The following SLC35D4 variants were observed in gnomAD, a reference collection of about 807,000 sequenced individuals.
The protein encoded by SLC35D4 is UDP-N-acetylglucosamine transporter SLC35D4.
the SLC35D4 span, among the ~76,000 whole-genome samples, chr18:23,433,923 C>CCACATTAGAG: frequency 1.3e-5 from 2 of 151,994 alleles, no homozygotes; most frequent in African/African-American, 4.8e-5. Flanking sequence ...AAATTACATG[C>CCACATTAGAG]TCTCTGCCAC....
At chr18:23,309,778 C>G in the SLC35D4 span, 1 of 1,596,510 alleles carries the variant, frequency 6.3e-7, no homozygotes, top group Non-Finnish European at 8.6e-7. Context: ...GGTCATCATA[C>G]CAGCAGGGCT....
chr18:23,405,017 A>G, the SLC35D4 span, among the ~76,000 whole-genome samples: 5 of 150,818 alleles, frequency 3.3e-5, no homozygotes, highest in Admixed American at 3.3e-4. Flanking sequence ...AAAAAAAAAA[A>G]AAAAAACAGG....
At chr18:23,322,745 C>T in the SLC35D4 span, among the ~76,000 whole-genome samples, 3 of 152,190 alleles carry the variant, frequency 2.0e-5, no homozygotes, top group Admixed American at 6.5e-5. Context: ...CCAAGTATTT[C>T]TTCTTTTACA....
chr18:23,253,587 C>G, the SLC35D4 span: 1 of 691,414 alleles, frequency 1.4e-6, no homozygotes, highest in Non-Finnish European at 2.5e-6. Context: ...ACGCAGCCTT[C>G]ACACTCCCAG....
chr18:23,429,655 C>A, the SLC35D4 span, among the ~76,000 whole-genome samples: 3 of 152,160 alleles, frequency 2.0e-5, no homozygotes, highest in Non-Finnish European at 4.4e-5. Context: ...GGATTACAGG[C>A]ATGAGCCACC....
chr18:23,430,349 T>C, the SLC35D4 span, among the ~76,000 whole-genome samples: 4 of 152,080 alleles, frequency 2.6e-5, no homozygotes, highest in Admixed American at 2.0e-4. Context: ...GCTGGTATTA[T>C]AGTAATGAGA....
chr18:23,330,485 C>T, the SLC35D4 span, among the ~76,000 whole-genome samples: 1 of 152,128 alleles, frequency 6.6e-6, no homozygotes, highest in Non-Finnish European at 1.5e-5. Context: ...AAGTTATTTG[C>T]TTCAATAATG....
At chr18:23,262,096 T>C in the SLC35D4 span, among the ~76,000 whole-genome samples, 1 of 152,202 alleles carries the variant, frequency 6.6e-6, no homozygotes, top group African/African-American at 2.4e-5. Context: ...GACATAAAAC[T>C]GTCTAGGAAA....
the SLC35D4 span, among the ~76,000 whole-genome samples, chr18:23,408,690 C>T: frequency 4.6e-5 from 7 of 152,122 alleles, no homozygotes; most frequent in Admixed American, 6.5e-5. Context: ...CATGTTGTAA[C>T]CTAGAACTGT....
chr18:23,384,106 T>C, the SLC35D4 span, among the ~76,000 whole-genome samples: 7 of 148,024 alleles, frequency 4.7e-5, no homozygotes, highest in African/African-American at 1.7e-4. Context: ...CTGGACAACA[T>C]AGCAAGACCC....
the SLC35D4 span, among the ~76,000 whole-genome samples, chr18:23,381,142 A>C: frequency 6.6e-6 from 1 of 152,210 alleles, no homozygotes. Context: ...AATTGCTAAA[A>C]ACCACCTACA....
chr18:23,262,781 T>C, the SLC35D4 span, among the ~76,000 whole-genome samples: 1 of 152,128 alleles, frequency 6.6e-6, no homozygotes, highest in Non-Finnish European at 1.5e-5. Context: ...GATCACAAAG[T>C]GGGTCAAGAT....
At chr18:23,253,067 G>GT in the SLC35D4 span, 2 of 1,590,000 alleles carry the variant, frequency 1.3e-6, no homozygotes, top group African/African-American at 2.7e-5. Context: ...AAATTAGGAG[G>GT]TACGGGAGGC....
chr18:23,336,954 A>C, the SLC35D4 span, among the ~76,000 whole-genome samples: 1 of 152,136 alleles, frequency 6.6e-6, no homozygotes, highest in African/African-American at 2.4e-5. Context: ...ACCTAGTGAG[A>C]GCAAAGTGTG....
At chr18:23,425,522 C>G in the SLC35D4 span, among the ~76,000 whole-genome samples, 1 of 152,174 alleles carries the variant, frequency 6.6e-6, no homozygotes, top group African/African-American at 2.4e-5. Flanking sequence ...TACTGAACAC[C>G]AGAGCTTGGC....
At chr18:23,362,666 G>A in the SLC35D4 span, among the ~76,000 whole-genome samples, 1 of 152,140 alleles carries the variant, frequency 6.6e-6, no homozygotes, top group African/African-American at 2.4e-5. Context: ...ATCACTGAAA[G>A]AGCAGCAGCA....
chr18:23,252,932 G>A, the SLC35D4 span: 9 of 1,441,644 alleles, frequency 6.2e-6, no homozygotes, highest in Non-Finnish European at 8.8e-6. Flanking sequence ...GTTTTAAGGA[G>A]TGATCCGTGT....
At chr18:23,390,680 C>T in the SLC35D4 span, among the ~76,000 whole-genome samples, 2 of 152,166 alleles carry the variant, frequency 1.3e-5, no homozygotes, top group East Asian at 1.9e-4. Flanking sequence ...AAAGTCTTGA[C>T]CCTGCTCACA....
chr18:23,297,862 G>T, the SLC35D4 span: 1 of 908,938 alleles, frequency 1.1e-6, no homozygotes, highest in Non-Finnish European at 1.7e-6. Context: ...GGGTGAGGGT[G>T]ATGGCACTGC....
Sources: gnomAD v4.1 joint callset for allele counts (sites outside exome capture counted in the v4.1 genomes callset) on GRCh38, gnomAD v4.1.1 for gene constraint, MANE v1.5 for transcripts, NCBI Gene and HGNC (gene_info 2026-07-23, HGNC 2026-07-21) for gene names.